TRPM2: variants seen among roughly 807,000 people sequenced by gnomAD.
TRPM2 encodes transient receptor potential cation channel subfamily M member 2.
TRPM2 carries 161 observed loss-of-function variants against 174.0 expected under a neutral mutation model. The ratio of observed to expected loss-of-function variants is 0.93; its 90% CI spans 0.81 to 1.05. The LOEUF (loss-of-function observed/expected upper bound fraction) is 1.05. Ranked by LOEUF, TRPM2 falls within the 50% of genes least tolerant of loss-of-function variation. The probability of loss-of-function intolerance (pLI) is 0.00; values close to 1 mark genes in which losing one functional copy is unlikely to be tolerated. For synonymous variants in TRPM2, 954 were observed against 861.3 expected (o/e 1.11, Z -1.88); for missense variants, 2,057 against 2,038.0 (o/e 1.01, Z -0.18).
rs2049849074 is a variant in TRPM2, at chr21:44,405,787, G to C, written c.2658-118G>C. ...AACACCTGGGATGCAGGGCCCACCA[G>C]AGCCCTTTGCCTCCAGGGCCCACCT... On this transcript the variant is annotated intron_variant, in intron 17 of 31. Coordinates refer to ENST00000397928, the MANE Select transcript of TRPM2 (RefSeq NM_003307.4). 3 of 1,277,694 alleles carry C rather than the reference G, an allele frequency of 2.3e-6. No individual in the cohort carries two copies. In the South Asian group the frequency reaches 4.3e-5, roughly 18 times the overall value. 79.1% of individuals were successfully genotyped at this position (1,277,694 alleles called of 1,614,324 possible).
intron 15 of TRPM2, among the ~76,000 whole-genome samples, chr21:44,400,605 C>T (rs1279307519): frequency 6.6e-6 from 1 of 152,214 alleles, no homozygotes; most frequent in Non-Finnish European, 1.5e-5. Context: ...GCTGATGAGC[C>T]CGTCCCTCAG....
chr21:44,414,438 A>C, intron 20 of TRPM2: 8 of 252,990 alleles, frequency 3.2e-5, no homozygotes, highest in East Asian at 2.6e-4. Context: ...AGCATTATTC[A>C]TGGGCTCACT....
Position 44,369,247 on chromosome 21 carries a change from C to A in TRPM2, c.675C>A (p.Phe225Leu). ...MKQVGEAVRD[F>L]SLSSSYKEGE... ...AGGTAGGCGAGGCGGTGCGGGACTT[C>A]AGCCTGAGCAGCAGCTACAAGGAAG... The change falls in exon 5 of 32, where the codon TTC (phenylalanine) becomes TTA (leucine). Residue 225 changes from phenylalanine (F) to leucine (L), a missense_variant. Phe to Leu is a conservative substitution (Grantham distance 22). Coordinates refer to ENST00000397928, the MANE Select transcript of TRPM2 (RefSeq NM_003307.4). The A allele has an allele frequency of 6.2e-7, 1 of 1,613,754 alleles. No homozygotes were observed. Among genetic ancestry groups the A allele is most frequent in the South Asian group, 1.1e-5 (1 of 91,082 alleles).
At chr21:44,400,547 G>A (rs984796988) in intron 15 of TRPM2, among the ~76,000 whole-genome samples, 176 bp downstream of exon 15, 2 of 152,222 alleles carry the variant, frequency 1.3e-5, no homozygotes, top group African/African-American at 2.4e-5. Context: ...AGGGCCCCAC[G>A]TGCTGGAAGC....
At chr21:44,406,552 G>T in intron 18 of TRPM2, 42 bp from the exon 19 acceptor site, 1 of 1,576,368 alleles carries the variant, frequency 6.3e-7, no homozygotes. Flanking sequence ...AGTGAGCATC[G>T]GGGGCCAGGA....
chr21:44,409,193 G>T (rs529404030), intron 19 of TRPM2, among the ~76,000 whole-genome samples: 1 of 152,146 alleles, frequency 6.6e-6, no homozygotes, highest in East Asian at 1.9e-4. Context: ...TGTGCTTTTG[G>T]TGTCCTAGCG....
chr21:44,409,582 C>T (rs56973460), intron 19 of TRPM2, among the ~76,000 whole-genome samples: 3,668 of 144,582 alleles, frequency 0.025, 376 homozygotes, highest in African/African-American at 0.088. Context: ...AAGTTTTGAC[C>T]GCACTGTCTT....
At chr21:44,436,173 C>G in intron 28 of TRPM2, among the ~76,000 whole-genome samples, 1 of 152,200 alleles carries the variant, frequency 6.6e-6, no homozygotes, top group East Asian at 1.9e-4. Flanking sequence ...ACCCAAGGCA[C>G]GGGCCGCCTT....
intron 9 of TRPM2, among the ~76,000 whole-genome samples, chr21:44,387,838 G>A (rs1276173447): frequency 6.6e-6 from 1 of 152,162 alleles, no homozygotes; most frequent in Non-Finnish European, 1.5e-5. Flanking sequence ...TCAAAACTAA[G>A]AGATATCATT....
intron 12 of TRPM2, 82 bp from the exon 13 acceptor site, chr21:44,397,665 A>G (rs1366554754): frequency 2.8e-6 from 4 of 1,448,074 alleles, no homozygotes; most frequent in African/African-American, 1.4e-5. Flanking sequence ...CCTCGTTTTC[A>G]TCACCTGGGG....
Position 44,369,296 on chromosome 21 carries a change from G to T in TRPM2, c.724G>T (p.Ala242Ser). ...KEGELITIGV[A>S]TWGTVHRREG... ...AGGCGAGCTCATCACCATCGGAGTC[G>T]CCACCTGGGGCACTGTCCACCGCCG... Residue 242 changes from alanine (A) to serine (S), a missense_variant, in exon 5 of 32, where the codon GCC (alanine) becomes TCC (serine). Physicochemically the swap from Ala to Ser is moderately conservative, Grantham distance 99. Transcript: ENST00000397928. 2 of 1,613,650 alleles carry T rather than the reference G, an allele frequency of 1.2e-6. No homozygotes were observed. The highest frequency in any genetic ancestry group is 1.1e-5 in the South Asian group (1 of 91,072).
intron 11 of TRPM2, among the ~76,000 whole-genome samples, chr21:44,393,884 G>A (rs1050690382): frequency 1.3e-5 from 2 of 151,024 alleles, no homozygotes; most frequent in Non-Finnish European, 2.9e-5. Flanking sequence ...TTTGTTTTTT[G>A]TTTTTGAGAC....
chr21:44,394,508 A>G (rs976672348), intron 11 of TRPM2, among the ~76,000 whole-genome samples: 4 of 151,392 alleles, frequency 2.6e-5, no homozygotes, highest in East Asian at 2.0e-4. Context: ...TTTAGTAGAG[A>G]TGGGGTTTCA....
At chr21:44,417,069 G>T (rs1295734389) in intron 20 of TRPM2, among the ~76,000 whole-genome samples, 6 of 112,886 alleles carry the variant, frequency 5.3e-5, no homozygotes, top group South Asian at 3.4e-4. Context: ...CATCACAGTG[G>T]GCACGTGGGC....
intron 6 of TRPM2, among the ~76,000 whole-genome samples, chr21:44,377,302 G>T (rs915375564): frequency 2.0e-5 from 3 of 152,186 alleles, no homozygotes; most frequent in Non-Finnish European, 4.4e-5. Flanking sequence ...TCGCATCCAC[G>T]CGTGGCAGGT....
In TRPM2 at chr21:44,440,979, G is replaced by T. The variant is rs1157727956; in HGVS notation, c.4386+74G>T. The stretch of plus-strand genomic sequence containing the variant: ...TATGGGCGTGGCCTCCGGGGAGGGG[G>T]TTGGCAGGGATGGGGGTCTGGATTC... On this transcript the variant is annotated intron_variant, in intron 31 of 31. Coordinates refer to ENST00000397928, the MANE Select transcript of TRPM2 (RefSeq NM_003307.4). 5 of 1,318,130 alleles carry T rather than the reference G, an allele frequency of 3.8e-6. No individual in the cohort carries two copies. The East Asian group carries it at 7.0e-5, about 18-fold the overall frequency. 81.7% of individuals were successfully genotyped at this position (1,318,130 alleles called of 1,614,324 possible).
chr21:44,358,377 G>T (rs371767845), intron 2 of TRPM2, among the ~76,000 whole-genome samples: 1 of 140,264 alleles, frequency 7.1e-6, no homozygotes, highest in Admixed American at 6.9e-5. Flanking sequence ...GGGAGGCAGG[G>T]AGCCCCCCTT....
At chr21:44,378,943 G>A in intron 7 of TRPM2, 54 bp from the exon 8 acceptor site, 3 of 1,557,794 alleles carry the variant, frequency 1.9e-6, no homozygotes, top group South Asian at 1.1e-5. Context: ...ATTTCAGAAA[G>A]CATCGGAGCG....
chr21:44,399,496 G>C lies in TRPM2; in HGVS notation c.2208+55G>C. The C allele has an allele frequency of 1.3e-6, 2 of 1,565,144 alleles. No individual in the cohort carries two copies. The highest frequency in any genetic ancestry group is 1.7e-6 in the Non-Finnish European group (2 of 1,154,914). ...AGACGCCTGTGGTGCCTGCAGGGCG[G>C]ACACAGCCTCCTGTTCGTGCAGTTG... On this transcript the variant is annotated intron_variant, in intron 14 of 31. Coordinates refer to ENST00000397928, the MANE Select transcript of TRPM2 (RefSeq NM_003307.4). This position sits in a 1 kb window ranked among gnomAD's most constrained non-coding sequence, Gnocchi z 4.6.
Sources: gnomAD v4.1 joint callset for allele counts (sites outside exome capture counted in the v4.1 genomes callset) on GRCh38, gnomAD v4.1.1 for gene constraint, Gnocchi (gnomAD v3.1) non-coding constraint, MANE v1.5 for transcripts, NCBI Gene and HGNC (gene_info 2026-07-23, HGNC 2026-07-21) for gene names.